Variants in PHACTR4 observed in about 807,000 individuals in gnomAD.
PHACTR4 encodes protein phosphatase 1, regulatory subunit 124.
Under a neutral mutation model 72.7 loss-of-function variants are expected in PHACTR4, and 51 were observed. The ratio of observed to expected loss-of-function variants is 0.70; its 90% CI spans 0.56 to 0.89. PHACTR4 has a LOEUF of 0.89. Ranked by LOEUF, PHACTR4 falls within the 40% of genes least tolerant of loss-of-function variation. The pLI, the probability that PHACTR4 is intolerant of heterozygous loss-of-function variation, is 0.00. For missense variants in PHACTR4, 731 were observed against 861.8 expected, an observed-to-expected ratio of 0.85 and a Z score of 1.90; for synonymous variants, 255 against 302.5, an observed-to-expected ratio of 0.84 and a Z score of 1.63.
In PHACTR4 at chr1:28,450,281, A is replaced by G. The variant is rs115562070; in HGVS notation, c.17-8804A>G. On this transcript the variant is annotated intron_variant, in intron 2 of 13. Transcript: ENST00000373839. ...ACCCTGATTTCTGGCAAACAAAGGA[A>G]AACTACCTTTTTTTTTTTTTTTCAC... is the stretch of plus-strand genomic sequence containing the variant. 3.8e-3 allele frequency among the ~76,000 whole-genome samples: 582 copies of G among 151,922 alleles called. 6 individuals are homozygous for G. The highest frequency in any genetic ancestry group is 0.013 in the African/African-American group (556 of 41,442).
At chr1:28,475,727 G>GTTTTTTTTTT (rs1285307511) in intron 7 of PHACTR4, among the ~76,000 whole-genome samples, 2 of 112,800 alleles carry the variant, frequency 1.8e-5, no homozygotes, top group African/African-American at 9.9e-5. Context: ...TCAGTCCTTT[G>GTTTTTTTTTT]TCTTTTTTTT....
intron 4 of PHACTR4, among the ~76,000 whole-genome samples, chr1:28,462,032 G>C (rs1658845002): frequency 1.3e-5 from 2 of 150,208 alleles, no homozygotes; most frequent in Admixed American, 6.6e-5. Flanking sequence ...TTTTGAGACA[G>C]AGTCTCACTC....
At chr1:28,469,584 C>A (rs1417421496) in intron 6 of PHACTR4, among the ~76,000 whole-genome samples, 1 of 152,128 alleles carries the variant, frequency 6.6e-6, no homozygotes, top group Non-Finnish European at 1.5e-5. Flanking sequence ...TAAAAATATT[C>A]ATTTATGGTC....
chr1:28,373,916 C>G (rs115571443), intron 1 of PHACTR4, among the ~76,000 whole-genome samples: 1,599 of 152,266 alleles, frequency 0.011, 27 homozygotes, highest in African/African-American at 0.037. Context: ...CAAATCTAGT[C>G]CTCTTTCAGT....
rs139877119 is a variant in PHACTR4, at chr1:28,431,977, G to A, written c.16+24514G>A. Reference sequence around the variant, plus strand: ...TGTAATCCCAGCACTTTGGGAGGCCGAAGTGGGCAGATCATGAGGTTAGGA... The same window carrying A: ...TGTAATCCCAGCACTTTGGGAGGCCAAAGTGGGCAGATCATGAGGTTAGGA... On this transcript the variant is annotated intron_variant, in intron 2 of 13. Coordinates refer to ENST00000373839, the MANE Select transcript of PHACTR4 (RefSeq NM_001048183.3). Among the ~76,000 whole-genome samples the A allele has an allele frequency of 7.6e-3, 1,161 of 152,256 alleles. 19 individuals carry two copies. Among genetic ancestry groups the A allele is most frequent in the African/African-American group, 0.026 (1,060 of 41,556 alleles).
At chr1:28,475,911 G>A (rs557558132) in intron 7 of PHACTR4, among the ~76,000 whole-genome samples, 196 bp from the exon 8 acceptor site, 23 of 151,934 alleles carry the variant, frequency 1.5e-4, no homozygotes, top group African/African-American at 5.1e-4. Context: ...ATTTTTAGTA[G>A]ACACAGGGTT....
intron 2 of PHACTR4, among the ~76,000 whole-genome samples, chr1:28,427,853 G>A (rs1230086801): frequency 1.3e-5 from 2 of 152,216 alleles, no homozygotes; most frequent in Non-Finnish European, 2.9e-5. Context: ...TTTGTGGAGT[G>A]AATAAGTGAG....
At chr1:28,444,495 T>C (rs1335203080) in intron 2 of PHACTR4, among the ~76,000 whole-genome samples, 1 of 151,916 alleles carries the variant, frequency 6.6e-6, no homozygotes, top group Admixed American at 6.6e-5. Context: ...CCCAAAGTAC[T>C]GGGACTACAG....
At chr1:28,401,850 C>T (rs1304897029) in intron 1 of PHACTR4, among the ~76,000 whole-genome samples, 1 of 152,136 alleles carries the variant, frequency 6.6e-6, no homozygotes, top group Non-Finnish European at 1.5e-5. Flanking sequence ...CCTACCACTT[C>T]AGTATCTGAA....
At chr1:28,401,787 A>G (rs1378126828) in intron 1 of PHACTR4, among the ~76,000 whole-genome samples, 1 of 152,058 alleles carries the variant, frequency 6.6e-6, no homozygotes, top group African/African-American at 2.4e-5. Context: ...TTTTAGAGAC[A>G]GGGATTTTAC....
chr1:28,453,577 A>G, intron 2 of PHACTR4: 1 of 840,042 alleles, frequency 1.2e-6, no homozygotes, highest in South Asian at 1.5e-5. Context: ...TGGGCAGCAG[A>G]GGCAGCACAG....
At chr1:28,406,610 G>C (rs544644615) in intron 1 of PHACTR4, among the ~76,000 whole-genome samples, 35 of 152,228 alleles carry the variant, frequency 2.3e-4, no homozygotes, top group African/African-American at 7.7e-4. Context: ...TTACTCCCAA[G>C]TTTCTCCAGT....
At chr1:28,380,050 A>ATTTTTTTTTTTTTTTTTTTT (rs1405487346) in intron 1 of PHACTR4, among the ~76,000 whole-genome samples, 1 of 128,078 alleles carries the variant, frequency 7.8e-6, no homozygotes, top group African/African-American at 3.0e-5. Context: ...TTTAAATGTA[A>ATTTTTTTTTTTTTTTTTTTT]CTTTTTTTTT....
intron 4 of PHACTR4, among the ~76,000 whole-genome samples, chr1:28,462,498 G>A (rs1426517874): frequency 1.3e-5 from 2 of 152,042 alleles, no homozygotes; most frequent in Non-Finnish European, 2.9e-5. Flanking sequence ...CTCCCGAGTA[G>A]CTGGAATTAT....
chr1:28,450,207 G>A (rs562618859), intron 2 of PHACTR4, among the ~76,000 whole-genome samples: 30 of 152,002 alleles, frequency 2.0e-4, no homozygotes, highest in Admixed American at 5.3e-4. Flanking sequence ...CAAAGAAAAA[G>A]GTGTTTTCTT....
chr1:28,491,597 T>C, intron 11 of PHACTR4, 53 bp from the exon 12 acceptor site: 4 of 1,612,568 alleles, frequency 2.5e-6, no homozygotes, highest in Admixed American at 3.3e-5. Flanking sequence ...TTTGAATGCA[T>C]GATTGATGCC....
At position 28,460,289 on chromosome 1, in the gene PHACTR4, C is replaced by G. The variant is rs1230271123; in HGVS notation, c.268C>G (p.Gln90Glu). ...AGGGGTTCTGTTGGAAGACCCTGAG[C>G]AAGGTGAGTTTACAAATAAATAGCA... ...KRGVLLEDPE[Q>E]GGEDPGKPSD... is the part of the protein sequence containing the mutation. The change falls in exon 4 of 14, where the codon CAA becomes GAA. Residue 90 changes from glutamine to glutamate, a missense_variant. Physicochemically the swap from Gln to Glu is conservative, Grantham distance 29. Transcript: ENST00000373839. 1 of 1,610,768 alleles carries G rather than the reference C, an allele frequency of 6.2e-7. No homozygotes were observed. Among genetic ancestry groups the G allele is most frequent in the Admixed American group, 1.7e-5 (1 of 59,946 alleles).
intron 1 of PHACTR4, among the ~76,000 whole-genome samples, chr1:28,390,237 G>A (rs1030046794): frequency 6.6e-5 from 10 of 151,980 alleles, no homozygotes; most frequent in African/African-American, 2.4e-4. Flanking sequence ...CTATAGCCTC[G>A]AAGTCCCTCC....
At chr1:28,477,686 C>T (rs1224797240) in intron 8 of PHACTR4, among the ~76,000 whole-genome samples, 10 of 151,944 alleles carry the variant, frequency 6.6e-5, no homozygotes, top group Non-Finnish European at 1.3e-4. Context: ...TGCCACCGAA[C>T]ACTAGATCTT....
Sources: allele counts gnomAD v4.1 joint callset (sites outside exome capture counted in the v4.1 genomes callset), GRCh38; gene constraint gnomAD v4.1.1; transcripts MANE v1.5; gene names NCBI Gene and HGNC (gene_info 2026-07-23, HGNC 2026-07-21).